DAB1: variants seen among roughly 807,000 people sequenced by gnomAD.
DAB1 encodes the protein DAB adaptor protein 1, also known as disabled homolog 1.
A neutral mutation model predicts 64.6 loss-of-function variants in DAB1; 15 were observed. The observed-to-expected ratio is 0.23, with a 90% CI of 0.16 to 0.36. The LOEUF (loss-of-function observed/expected upper bound fraction) is 0.36, where lower values mean the gene tolerates loss of function less well. DAB1 is among the 10% of genes least tolerant of loss of function. The pLI, the probability that DAB1 is intolerant of heterozygous loss-of-function variation, is 1.00. For synonymous variants in DAB1, 235 were observed against 251.9 expected (o/e 0.93, Z 0.64); for missense variants, 596 against 706.7 (o/e 0.84, Z 1.78).
chr1:57,333,588 G>A (rs1676854057), intron 1 of DAB1, among the ~76,000 whole-genome samples: 1 of 152,216 alleles, frequency 6.6e-6, no homozygotes, highest in Non-Finnish European at 1.5e-5. Context: ...AAGATAAGAA[G>A]AAATGAGTGG....
intron 1 of DAB1, chr1:57,880,832 A>C (rs962194775): frequency 2.6e-5 from 4 of 152,234 alleles, no homozygotes; most frequent in African/African-American, 9.6e-5. Flanking sequence ...ATTGAAATCC[A>C]GTATCAAAAC....
Position 57,545,820 on chromosome 1 carries a change from G to A in DAB1, n.625+103772C>T, listed in dbSNP as rs969642830. ...AGGACTGTACACTCCTGGAAGACAG[G>A]TGCTCCACTTTTGTGCCCCTCAAAT... On this transcript the variant is annotated intron_variant and non_coding_transcript_variant, in intron 7 of 20. Coordinates refer to the DAB1 transcript ENST00000485760. 4.6e-5 allele frequency among the ~76,000 whole-genome samples: 7 copies of A among 152,132 alleles called. No homozygotes were observed. The East Asian group carries it at 1.4e-3, about 29-fold the overall frequency.
chr1:57,987,393 T>G (rs763319581), intron 5 of DAB1, among the ~76,000 whole-genome samples: 10 of 152,146 alleles, frequency 6.6e-5, no homozygotes, highest in Non-Finnish European at 1.3e-4. Flanking sequence ...ACCACGATGT[T>G]ATGAAGGTAG....
At chr1:57,162,287 G>A (rs59459799) in intron 2 of DAB1, among the ~76,000 whole-genome samples, 22,792 of 152,140 alleles carry the variant, frequency 0.15, 5,837 homozygotes, top group African/African-American at 0.52. Flanking sequence ...GGGCAAAGGA[G>A]GAGTGTTTGT....
intron 6 of DAB1, among the ~76,000 whole-genome samples, chr1:57,775,382 T>G (rs1405465238): frequency 6.6e-6 from 1 of 151,624 alleles, no homozygotes; most frequent in African/African-American, 2.4e-5. Flanking sequence ...TTAGACCCTA[T>G]TTTTCTAATA....
intron 6 of DAB1, among the ~76,000 whole-genome samples, chr1:57,748,502 T>C (rs960588332): frequency 9.2e-5 from 14 of 151,746 alleles, no homozygotes; most frequent in South Asian, 4.2e-4. Context: ...ACATGTGTTA[T>C]ATAAATTCTC....
rs1553131585 is a variant in DAB1 at position 57,812,343 on chromosome 1, GAAAGAAAGA to G, written n.551+71647_551+71655del. 1.4e-3 allele frequency among the ~76,000 whole-genome samples: 204 copies of G among 143,680 alleles called. 1 individual carries two copies. The highest frequency in any genetic ancestry group is 5.0e-3 in the African/African-American group (196 of 39,042). The allele number at this position is 143,680 out of a possible 152,430, so 94.3% of individuals were successfully genotyped here. On this transcript the variant is annotated intron_variant and non_coding_transcript_variant, in intron 6 of 20. Coordinates refer to the DAB1 transcript ENST00000485760. Reference sequence around the variant, plus strand: ...CCAAAAAAAAAAAAAAAAAAAGAAAGAAAGAAAGAAAAGAAAGAAAGAAAAAAGGCAAGG... The same window carrying G: ...CCAAAAAAAAAAAAAAAAAAAGAAAGAAAGAAAGAAAGAAAAAAGGCAAGG...
At chr1:57,979,453 A>G (rs1416682479) in intron 5 of DAB1, among the ~76,000 whole-genome samples, 1 of 152,210 alleles carries the variant, frequency 6.6e-6, no homozygotes, top group Non-Finnish European at 1.5e-5. Context: ...TGGGAGAAAT[A>G]CCTAATGTAG....
chr1:57,904,013 A>T lies in DAB1; in HGVS notation n.388-19851T>A, dbSNP rs190483561. On this transcript the variant is annotated intron_variant and non_coding_transcript_variant, in intron 5 of 20. Coordinates refer to the DAB1 transcript ENST00000485760. The stretch of plus-strand genomic sequence containing the variant: ...TAGCTGAATTTACATTCAAATTCAT[A>T]CATCTTCCTTTGTACTTCATGCTCT... Among the ~76,000 whole-genome samples, 8 of 152,334 alleles carry T rather than the reference A, an allele frequency of 5.3e-5. No homozygotes were observed. The East Asian group carries it at 1.2e-3, about 22-fold the overall frequency.
At chr1:57,252,112 T>C (rs1185042010) in intron 2 of DAB1, among the ~76,000 whole-genome samples, 3 of 152,190 alleles carry the variant, frequency 2.0e-5, no homozygotes, top group South Asian at 2.1e-4. Context: ...CTTAAAAGAG[T>C]AGATTTAAGA....
At chr1:57,361,900 T>C (rs1228238080) in intron 1 of DAB1, among the ~76,000 whole-genome samples, 1 of 152,104 alleles carries the variant, frequency 6.6e-6, no homozygotes, top group African/African-American at 2.4e-5. Context: ...CAGGTAATGA[T>C]ACAACAATCA....
chr1:57,960,400 G>T (rs1426466251), intron 5 of DAB1, among the ~76,000 whole-genome samples: 1 of 151,754 alleles, frequency 6.6e-6, no homozygotes, highest in South Asian at 2.1e-4. Flanking sequence ...ACATGACATG[G>T]TGCTTGGTAC....
At position 58,535,564 on chromosome 1, in the gene DAB1, A is replaced by T. The variant is rs147987770; in HGVS notation, n.33-8229T>A. On this transcript the variant is annotated intron_variant and non_coding_transcript_variant, in intron 1 of 20. Transcript: ENST00000485760. The stretch of plus-strand genomic sequence containing the variant: ...TGAGCCAAGATGGCACCACTGCAGT[A>T]CAGCCTGGGTGACAGAGCAAGTCTC... 4.2e-3 allele frequency among the ~76,000 whole-genome samples: 619 copies of T among 147,824 alleles called. 3 individuals carry two copies. The highest frequency in any genetic ancestry group is 0.015 in the African/African-American group (600 of 40,082).
intron 1 of DAB1, among the ~76,000 whole-genome samples, chr1:58,529,366 T>C (rs746578098): frequency 3.6e-4 from 55 of 152,326 alleles, no homozygotes; most frequent in Non-Finnish European, 6.8e-4. Context: ...CAAAGAAAGA[T>C]GTAAAACAAA....
chr1:57,922,115 T>C (rs1644816171), intron 5 of DAB1, among the ~76,000 whole-genome samples: 1 of 152,238 alleles, frequency 6.6e-6, no homozygotes, highest in African/African-American at 2.4e-5. Flanking sequence ...TGCCTCATTC[T>C]TCTAAATGGT....
chr1:57,436,402 T>G (rs1685697701), intron 7 of DAB1, among the ~76,000 whole-genome samples: 1 of 152,186 alleles, frequency 6.6e-6, no homozygotes, highest in South Asian at 2.1e-4. Flanking sequence ...CGCGTTTCAA[T>G]ATGTCTATTT....
chr1:58,545,507 A>G (rs1326726919), intron 1 of DAB1, among the ~76,000 whole-genome samples: 2 of 81,638 alleles, frequency 2.4e-5, no homozygotes, highest in East Asian at 3.5e-3. Flanking sequence ...CAGAGCACAT[A>G]AGAAAAAAAA....
At chr1:57,051,445 G>C (rs1292147925) in intron 9 of DAB1, among the ~76,000 whole-genome samples, 1 of 152,212 alleles carries the variant, frequency 6.6e-6, no homozygotes, top group Non-Finnish European at 1.5e-5. Flanking sequence ...AAAGATGGGA[G>C]TTGTGGGGGG....
At chr1:57,032,552 G>A (rs1570550042) in intron 9 of DAB1, among the ~76,000 whole-genome samples, 1 of 152,066 alleles carries the variant, frequency 6.6e-6, no homozygotes, top group African/African-American at 2.4e-5. Context: ...AACTCAATTT[G>A]TACCCTATTC....
Sources: gnomAD v4.1 joint callset for allele counts (sites outside exome capture counted in the v4.1 genomes callset) on GRCh38, gnomAD v4.1.1 for gene constraint, MANE v1.5 for transcripts, NCBI Gene and HGNC (gene_info 2026-07-23, HGNC 2026-07-21) for gene names.